EXOC4: variants seen among roughly 807,000 people sequenced by gnomAD.
EXOC4 encodes exocyst complex component 4, also known as SEC8-like 1.
In EXOC4, 71 loss-of-function variants were observed where a neutral mutation model predicts 107.2. That is an observed-to-expected ratio of 0.66 (90% CI 0.55 to 0.81). The LOEUF is 0.81. Among genes scored for constraint, EXOC4 ranks in the 30% least tolerant of loss-of-function variants. The pLI is 0.00. For missense variants in EXOC4, 1,108 were observed against 1,189.6 expected, an observed-to-expected ratio of 0.93 and a Z score of 1.01; for synonymous variants, 456 against 441.2, an observed-to-expected ratio of 1.03 and a Z score of -0.42.
chr7:133,924,606 T>C (rs1482292448), intron 13 of EXOC4, among the ~76,000 whole-genome samples: 2 of 152,206 alleles, frequency 1.3e-5, no homozygotes, highest in African/African-American at 4.8e-5. Flanking sequence ...TATTTCTTAA[T>C]ACATGAAGCA....
intron 10 of EXOC4, among the ~76,000 whole-genome samples, chr7:133,806,083 G>C (rs1023183356): frequency 4.6e-5 from 7 of 152,176 alleles, no homozygotes; most frequent in African/African-American, 1.7e-4. Context: ...TTTCACTGGG[G>C]GTGCCTTAGA....
chr7:133,961,931 C>T (rs1800954925), intron 14 of EXOC4, among the ~76,000 whole-genome samples: 1 of 152,196 alleles, frequency 6.6e-6, no homozygotes, highest in Non-Finnish European at 1.5e-5. Context: ...GTCCTTACAG[C>T]AGCCTATGGG....
At chr7:133,510,635 G>A (rs1471819978) in intron 9 of EXOC4, among the ~76,000 whole-genome samples, 2 of 152,132 alleles carry the variant, frequency 1.3e-5, no homozygotes, top group Non-Finnish European at 2.9e-5. Context: ...CTAAACACTG[G>A]AAACATACGA....
intron 5 of EXOC4, among the ~76,000 whole-genome samples, chr7:133,341,297 C>T (rs74690382): frequency 0.021 from 3,200 of 152,246 alleles, 113 homozygotes; most frequent in African/African-American, 0.073. Context: ...ATGCAAAGAC[C>T]ATTCAGGAGC....
chr7:133,565,020 G>A (rs996695949), intron 9 of EXOC4, among the ~76,000 whole-genome samples: 34 of 152,190 alleles, frequency 2.2e-4, no homozygotes, highest in Admixed American at 6.5e-4. Flanking sequence ...CGAATTTGGT[G>A]AATAGTGGTG....
chr7:133,558,131 A>G (rs1209726042), intron 9 of EXOC4, among the ~76,000 whole-genome samples: 1 of 151,950 alleles, frequency 6.6e-6, no homozygotes, highest in Non-Finnish European at 1.5e-5. Flanking sequence ...ATGCCTATTA[A>G]AACACCCACG....
intron 10 of EXOC4, among the ~76,000 whole-genome samples, chr7:133,679,172 C>G (rs1794130882): frequency 6.6e-6 from 1 of 152,190 alleles, no homozygotes; most frequent in Non-Finnish European, 1.5e-5. Flanking sequence ...TCATCTAAGT[C>G]TGATGCTTCT....
intron 7 of EXOC4, among the ~76,000 whole-genome samples, chr7:133,415,527 A>G (rs761075609): frequency 6.6e-6 from 1 of 152,146 alleles, no homozygotes; most frequent in Non-Finnish European, 1.5e-5. Flanking sequence ...GATGTTGATC[A>G]TCTTTTTCAT....
At chr7:133,937,780 G>A in intron 13 of EXOC4, 111 bp from the exon 14 acceptor site, 2 of 998,166 alleles carry the variant, frequency 2.0e-6, no homozygotes, top group South Asian at 1.6e-5. Context: ...AGAGCACGCT[G>A]TAAAATAGTG....
At chr7:133,968,029 A>G (rs1432189301) in intron 14 of EXOC4, among the ~76,000 whole-genome samples, 1 of 152,150 alleles carries the variant, frequency 6.6e-6, no homozygotes, top group Non-Finnish European at 1.5e-5. Flanking sequence ...TTGGGTGCAT[A>G]TATATTTAGG....
chr7:133,918,159 T>G (rs1289710048), intron 13 of EXOC4, among the ~76,000 whole-genome samples: 1 of 151,988 alleles, frequency 6.6e-6, no homozygotes, highest in East Asian at 1.9e-4. Flanking sequence ...ATTTTTTATT[T>G]TTAGTAGAGA....
chr7:133,854,325 A>G (rs1798301888), intron 11 of EXOC4, among the ~76,000 whole-genome samples: 1 of 151,644 alleles, frequency 6.6e-6, no homozygotes, highest in African/African-American at 2.4e-5. Flanking sequence ...TCTCTTGCAC[A>G]TGCTTGCCAC....
At chr7:133,663,142 A>C (rs1585063151) in intron 10 of EXOC4, among the ~76,000 whole-genome samples, 3 of 152,244 alleles carry the variant, frequency 2.0e-5, no homozygotes, top group African/African-American at 7.2e-5. Context: ...TGCTAAATCC[A>C]TCTATAGTAT....
chr7:133,986,806 G>C (rs1175978802), intron 14 of EXOC4, among the ~76,000 whole-genome samples: 2 of 152,184 alleles, frequency 1.3e-5, no homozygotes, highest in African/African-American at 2.4e-5. Flanking sequence ...AAGACTGGGG[G>C]TAGAATTAGC....
At chr7:133,569,695 C>T (rs1800979063) in intron 9 of EXOC4, among the ~76,000 whole-genome samples, 2 of 152,014 alleles carry the variant, frequency 1.3e-5, no homozygotes, top group Admixed American at 6.6e-5. Context: ...GTTTTGTTTC[C>T]AGAGAACCAA....
intron 11 of EXOC4, among the ~76,000 whole-genome samples, chr7:133,878,214 G>T (rs545639372): frequency 6.6e-6 from 1 of 152,190 alleles, no homozygotes; most frequent in South Asian, 2.1e-4. Flanking sequence ...AGTCAATTTT[G>T]CATTTTCCCA....
chr7:133,306,034 A>C lies in EXOC4; in HGVS notation c.629A>C (p.Gln210Pro). ...ATCAAATCGACTAGCCGAGTTGTGC[A>C]GCGTAACAAGGAAAAAGGGAAAATC... ...LYIKSTSRVV[Q>P]RNKEKGKISS... Residue 210 changes from glutamine to proline, a missense_variant, in exon 4 of 18, where the codon CAG (glutamine) becomes CCG (proline). Transcript: ENST00000253861. 1 of 1,612,530 alleles carries C rather than the reference A, an allele frequency of 6.2e-7. No homozygotes were observed.
chr7:133,839,345 G>A (rs903996369), intron 11 of EXOC4, among the ~76,000 whole-genome samples: 1 of 152,146 alleles, frequency 6.6e-6, no homozygotes, highest in South Asian at 2.1e-4. Flanking sequence ...ATAGTTTGTT[G>A]TGCCTGCAAT....
intron 14 of EXOC4, among the ~76,000 whole-genome samples, chr7:133,952,171 GA>G (rs143443942): frequency 1.3e-5 from 2 of 149,762 alleles, no homozygotes; most frequent in African/African-American, 2.5e-5. Flanking sequence ...AAAAAAAAAA[GA>G]AAAAAAAAGA....
Sources: allele counts gnomAD v4.1 joint callset (sites outside exome capture counted in the v4.1 genomes callset), GRCh38; gene constraint gnomAD v4.1.1; transcripts MANE v1.5; gene names NCBI Gene and HGNC (gene_info 2026-07-23, HGNC 2026-07-21).